The following KAZN variants were observed in gnomAD, a reference collection of about 807,000 sequenced individuals.
The protein encoded by KAZN is kazrin.
A neutral mutation model predicts 87.4 loss-of-function variants in KAZN; 40 were observed. That is an observed-to-expected ratio of 0.46 (90% CI 0.36 to 0.60). KAZN has a LOEUF of 0.60. KAZN is among the 20% of genes least tolerant of loss of function. The pLI is 0.00. For synonymous variants in KAZN, 466 were observed against 458.3 expected, an observed-to-expected ratio of 1.02 and a Z score of -0.22; for missense variants, 898 against 1,073.9, an observed-to-expected ratio of 0.84 and a Z score of 2.29.
chr1:14,372,489 C>T (rs1409268416), intron 2 of KAZN, among the ~76,000 whole-genome samples: 1 of 152,210 alleles, frequency 6.6e-6, no homozygotes, highest in Non-Finnish European at 1.5e-5. Flanking sequence ...TGTCCAGCAG[C>T]ATCCCTGGCT....
At chr1:14,145,931 G>A (rs984388640) in intron 1 of KAZN, among the ~76,000 whole-genome samples, 10 of 152,118 alleles carry the variant, frequency 6.6e-5, no homozygotes, top group African/African-American at 2.4e-4. Context: ...TGCACATTAT[G>A]ACAAAGTTTA....
At chr1:14,169,694 T>A (rs12118442) in intron 1 of KAZN, among the ~76,000 whole-genome samples, 4,244 of 152,264 alleles carry the variant, frequency 0.028, 91 homozygotes, top group Non-Finnish European at 0.044. Flanking sequence ...GCAATGGCCA[T>A]AAGTAATGAT....
At chr1:14,173,658 T>TCCCCGCCCCG (rs56686540) in intron 1 of KAZN, among the ~76,000 whole-genome samples, 4 of 148,494 alleles carry the variant, frequency 2.7e-5, no homozygotes, top group African/African-American at 7.5e-5. Flanking sequence ...GTAGTTCCCC[T>TCCCCGCCCCG]CCCCGCCCCG....
intron 1 of KAZN, among the ~76,000 whole-genome samples, chr1:14,139,619 C>T (rs1645188231): frequency 6.6e-6 from 1 of 152,174 alleles, no homozygotes; most frequent in Admixed American, 6.5e-5. Flanking sequence ...TGTATTTTCC[C>T]TCCTCTGGAC....
At chr1:14,796,168 C>G (rs1264916812) in intron 1 of KAZN, among the ~76,000 whole-genome samples, 1 of 152,136 alleles carries the variant, frequency 6.6e-6, no homozygotes, top group Non-Finnish European at 1.5e-5. Context: ...TGGTTCTTCT[C>G]TCCCTCAGAG....
chr1:14,134,320 C>T (rs558579138), intron 1 of KAZN, among the ~76,000 whole-genome samples: 1 of 152,288 alleles, frequency 6.6e-6, no homozygotes, highest in Non-Finnish European at 1.5e-5. Context: ...AAGACATGGG[C>T]TGAAAGGATC....
At chr1:15,024,797 G>C (rs1461689394) in intron 2 of KAZN, among the ~76,000 whole-genome samples, 1 of 152,218 alleles carries the variant, frequency 6.6e-6, no homozygotes, top group Admixed American at 6.5e-5. Context: ...GTCCACTTGA[G>C]TCTTCTCATT....
intron 1 of KAZN, among the ~76,000 whole-genome samples, chr1:13,907,101 G>T (rs1639467210): frequency 6.6e-6 from 1 of 152,250 alleles, no homozygotes; most frequent in South Asian, 2.1e-4. Context: ...CTTTTGATGT[G>T]GTGTCTCTGT....
At chr1:14,350,395 T>C (rs1235890219) in intron 2 of KAZN, among the ~76,000 whole-genome samples, 1 of 152,226 alleles carries the variant, frequency 6.6e-6, no homozygotes, top group Non-Finnish European at 1.5e-5. Flanking sequence ...CAGTGAGTGC[T>C]CGGCACAGAG....
At chr1:14,980,715 A>AG (rs1407724089) in intron 2 of KAZN, among the ~76,000 whole-genome samples, 1 of 152,206 alleles carries the variant, frequency 6.6e-6, no homozygotes, top group Non-Finnish European at 1.5e-5. Flanking sequence ...ACAGAGAGGC[A>AG]GGGGGTGTCT....
intron 2 of KAZN, among the ~76,000 whole-genome samples, chr1:15,017,253 A>G (rs747381760): frequency 6.6e-6 from 1 of 151,716 alleles, no homozygotes; most frequent in Non-Finnish European, 1.5e-5. Flanking sequence ...AGCCGAGATC[A>G]CACCACTGCA....
chr1:14,878,809 G>A (rs530463740), intron 1 of KAZN, among the ~76,000 whole-genome samples: 1 of 152,068 alleles, frequency 6.6e-6, no homozygotes, highest in South Asian at 2.1e-4. Flanking sequence ...CTGGGAACAC[G>A]TTTCCTTCCC....
At chr1:14,862,421 G>A (rs141960251) in intron 1 of KAZN, among the ~76,000 whole-genome samples, 1 of 152,236 alleles carries the variant, frequency 6.6e-6, no homozygotes, top group East Asian at 1.9e-4. Flanking sequence ...CCATCCCAGT[G>A]CACCTCCAAT....
At position 15,072,253 on chromosome 1, in the gene KAZN, A is replaced by G. The variant is rs147401638; in HGVS notation, c.1222+6500A>G. On this transcript the variant is annotated intron_variant, in intron 8 of 14. Transcript: ENST00000376030. The stretch of plus-strand genomic sequence containing the variant: ...TGATTACTATTCTCTGTGATTTGTA[A>G]CACATCTTGAGCCTGACAGTGCCTC... Among the ~76,000 whole-genome samples the G allele has an allele frequency of 1.4e-3, 219 of 152,314 alleles. 2 individuals are homozygous for G. The highest frequency in any genetic ancestry group is 4.6e-3 in the African/African-American group (192 of 41,566).
intron 2 of KAZN, among the ~76,000 whole-genome samples, chr1:14,371,989 A>G (rs748144367): frequency 3.3e-5 from 5 of 152,124 alleles, no homozygotes; most frequent in Non-Finnish European, 7.3e-5. Flanking sequence ...ATCTTTCTGC[A>G]AAAAGAAGAA....
At chr1:14,410,004 A>G (rs769921408) in intron 2 of KAZN, among the ~76,000 whole-genome samples, 19 of 152,362 alleles carry the variant, frequency 1.2e-4, no homozygotes, top group East Asian at 7.7e-4. Flanking sequence ...CAGCTGGAAG[A>G]TAGATATGAG....
intron 2 of KAZN, among the ~76,000 whole-genome samples, chr1:14,567,307 T>G (rs1674601583): frequency 6.6e-6 from 1 of 152,150 alleles, no homozygotes; most frequent in Admixed American, 6.6e-5. Context: ...CTCAAGTTGG[T>G]TCACCATCTT....
At chr1:14,761,708 T>C (rs962203445) in intron 1 of KAZN, among the ~76,000 whole-genome samples, 7 of 152,156 alleles carry the variant, frequency 4.6e-5, no homozygotes, top group African/African-American at 1.7e-4. Flanking sequence ...ACGGAACATC[T>C]CACAGGGGGA....
intron 2 of KAZN, among the ~76,000 whole-genome samples, chr1:14,277,504 A>C (rs1196519813): frequency 2.0e-5 from 3 of 152,166 alleles, no homozygotes; most frequent in African/African-American, 7.2e-5. Context: ...TCTCTACTAA[A>C]AATACAAATA....
Sources: gnomAD v4.1 joint callset for allele counts (sites outside exome capture counted in the v4.1 genomes callset) on GRCh38, gnomAD v4.1.1 for gene constraint, MANE v1.5 for transcripts, NCBI Gene and HGNC (gene_info 2026-07-23, HGNC 2026-07-21) for gene names.